Variants in MAP3K20 observed in about 807,000 individuals in gnomAD.
The protein encoded by MAP3K20 is HCCS-4.
MAP3K20 carries 40 observed loss-of-function variants against 85.7 expected under a neutral mutation model. The ratio of observed to expected loss-of-function variants is 0.47; its 90% confidence interval spans 0.36 to 0.61. MAP3K20 has a LOEUF of 0.61. Ranked by LOEUF, MAP3K20 falls within the 20% of genes least tolerant of loss-of-function variation. MAP3K20 has a pLI of 0.00. For synonymous variants in MAP3K20, 325 were observed against 327.7 expected (o/e 0.99, Z 0.09); for missense variants, 817 against 961.7 (o/e 0.85, Z 1.99).
chr2:173,265,387 T>G (rs1355968608), intron 19 of MAP3K20, among the ~76,000 whole-genome samples: 2 of 152,258 alleles, frequency 1.3e-5, no homozygotes, highest in Non-Finnish European at 2.9e-5. Flanking sequence ...CATTTTCTTT[T>G]ATCTTAACTT....
rs16861416 is a variant in MAP3K20, at chr2:173,236,788, A to G, written c.1204-1585A>G. Among the ~76,000 whole-genome samples the G allele has an allele frequency of 8.8e-3, 1,333 of 152,298 alleles. 46 individuals carry two copies. Among genetic ancestry groups the G allele is most frequent in the South Asian group, 0.065 (313 of 4,832 alleles). On this transcript the variant is annotated intron_variant, in intron 14 of 19. Coordinates refer to ENST00000375213, the MANE Select transcript of MAP3K20 (RefSeq NM_016653.3). ...GGCCCTGCATAGACTCTCAATTAAG[A>G]TAAGTAATGCTCCAAGCTGGGCCTT...
intron 2 of MAP3K20, among the ~76,000 whole-genome samples, chr2:173,143,965 A>G (rs1239853322): frequency 2.6e-5 from 4 of 152,112 alleles, no homozygotes; most frequent in African/African-American, 4.8e-5. Flanking sequence ...CAAAACCTCT[A>G]TGCTGGAAAC....
At chr2:173,227,570 A>G (rs1684422298) in intron 11 of MAP3K20, among the ~76,000 whole-genome samples, 1 of 152,212 alleles carries the variant, frequency 6.6e-6, no homozygotes, top group Non-Finnish European at 1.5e-5. Flanking sequence ...AGCTGAAGCC[A>G]GTGCCTTTCC....
At chr2:173,216,374 T>C (rs1183771638) in intron 10 of MAP3K20, among the ~76,000 whole-genome samples, 1 of 152,186 alleles carries the variant, frequency 6.6e-6, no homozygotes. Flanking sequence ...CCCAGGGTTT[T>C]CTACACTTGC....
intron 16 of MAP3K20, among the ~76,000 whole-genome samples, chr2:173,248,226 AG>A (rs1187854007): frequency 6.6e-6 from 1 of 152,164 alleles, no homozygotes; most frequent in Non-Finnish European, 1.5e-5. Context: ...GCTGCTTCTC[AG>A]TTTCGTCACA....
intron 1 of MAP3K20, among the ~76,000 whole-genome samples, chr2:173,082,740 C>G (rs1201022229): frequency 6.6e-6 from 1 of 152,250 alleles, no homozygotes; most frequent in Non-Finnish European, 1.5e-5. Context: ...GCCCCATTCT[C>G]TTCCTCATGC....
At position 173,080,667 on chromosome 2, in the gene MAP3K20, TG is replaced by T. The variant is rs1686988617; in HGVS notation, c.-35+4667del. ...AGTAATTAAGTTTCAACATGAATTT[TG>T]GTGGGAGCATTCCTACCATAGCACT... is the stretch of plus-strand genomic sequence containing the variant. On this transcript the variant is annotated intron_variant, in intron 1 of 19. Coordinates refer to ENST00000375213, the MANE Select transcript of MAP3K20 (RefSeq NM_016653.3). 2.0e-5 allele frequency among the ~76,000 whole-genome samples: 3 copies of T among 152,342 alleles called. No homozygotes were observed. In the South Asian group the frequency reaches 6.2e-4, roughly 32 times the overall value.
intron 16 of MAP3K20, among the ~76,000 whole-genome samples, chr2:173,240,382 C>T (rs1170798037): frequency 6.6e-6 from 1 of 152,196 alleles, no homozygotes; most frequent in African/African-American, 2.4e-5. Context: ...CTGGCCTTTC[C>T]TCAGTGAAAC....
chr2:173,191,365 G>A lies in MAP3K20; in HGVS notation c.582+188G>A, dbSNP rs1690644608. 2.6e-5 allele frequency among the ~76,000 whole-genome samples: 4 copies of A among 152,166 alleles called. No individual in the cohort carries two copies. In the South Asian group the frequency reaches 8.3e-4, roughly 31 times the overall value. Reference sequence around the variant, plus strand: ...TGTTTAATCATTTTTAATCATCGGAGTTATTTTGTCCTGTGTTGAGAAGAA... The same window carrying A: ...TGTTTAATCATTTTTAATCATCGGAATTATTTTGTCCTGTGTTGAGAAGAA... On this transcript the variant is annotated intron_variant, in intron 7 of 19. Coordinates refer to ENST00000375213, the MANE Select transcript of MAP3K20 (RefSeq NM_016653.3).
chr2:173,083,790 A>G (rs1184487332), intron 1 of MAP3K20, among the ~76,000 whole-genome samples: 1 of 152,224 alleles, frequency 6.6e-6, no homozygotes, highest in African/African-American at 2.4e-5. Context: ...CATAAATATC[A>G]AGGCAGCAAG....
At chr2:173,194,032 A>G (rs1350534997) in intron 7 of MAP3K20, among the ~76,000 whole-genome samples, 1 of 152,194 alleles carries the variant, frequency 6.6e-6, no homozygotes, top group Non-Finnish European at 1.5e-5. Context: ...TGGAATATCA[A>G]TTCTGCATTC....
chr2:173,075,789 G>A (rs1376310643), upstream of MAP3K20: 6 of 985,432 alleles, frequency 6.1e-6, no homozygotes, highest in Non-Finnish European at 7.2e-6. Flanking sequence ...GTGAGGGGAG[G>A]GCGGCCCAGC....
At chr2:173,172,040 G>A (rs999979216) in intron 3 of MAP3K20, among the ~76,000 whole-genome samples, 1 of 152,286 alleles carries the variant, frequency 6.6e-6, no homozygotes, top group Non-Finnish European at 1.5e-5. Flanking sequence ...AGCCTACCTT[G>A]TACAGCTATG....
At chr2:173,182,289 TGTG>T (rs1690355107) in intron 3 of MAP3K20, among the ~76,000 whole-genome samples, 1 of 152,194 alleles carries the variant, frequency 6.6e-6, no homozygotes. Flanking sequence ...AAGACTGGAT[TGTG>T]GTGGTGGTTG....
At chr2:173,230,767 A>C (rs1684505151) in intron 12 of MAP3K20, among the ~76,000 whole-genome samples, 1 of 152,150 alleles carries the variant, frequency 6.6e-6, no homozygotes, top group African/African-American at 2.4e-5. Context: ...AGGCTGAGGC[A>C]GGAGGATCAC....
chr2:173,178,739 A>G (rs1228110265), intron 3 of MAP3K20, among the ~76,000 whole-genome samples: 2 of 152,256 alleles, frequency 1.3e-5, no homozygotes, highest in African/African-American at 4.8e-5. Flanking sequence ...AAATGTTTAT[A>G]GAAGAGATAA....
At position 173,259,868 on chromosome 2, in the gene MAP3K20, T is replaced by G. The variant is rs897640344; in HGVS notation, c.1476+1053T>G. Among the ~76,000 whole-genome samples the G allele has an allele frequency of 6.6e-5, 10 of 152,236 alleles. No homozygotes were observed. The East Asian group carries it at 7.7e-4, about 12-fold the overall frequency. ...TTGAAGACTGGAAAGATATTTCCTT[T>G]CTTCCCCACCCATACCACGGAGTTG... On this transcript the variant is annotated intron_variant, in intron 17 of 19. Transcript: ENST00000375213.
intron 11 of MAP3K20, chr2:173,223,355 C>A: frequency 1.1e-6 from 1 of 870,408 alleles, no homozygotes; most frequent in Non-Finnish European, 1.4e-6. Flanking sequence ...ACAGTACCTA[C>A]TTGAAAGGAT....
intron 1 of MAP3K20, among the ~76,000 whole-genome samples, chr2:173,081,321 C>T (rs1018991576): frequency 6.6e-6 from 1 of 151,938 alleles, no homozygotes; most frequent in Non-Finnish European, 1.5e-5. Flanking sequence ...GCTACCTTGC[C>T]TGGCTTATTC....
Sources: allele counts gnomAD v4.1 joint callset (sites outside exome capture counted in the v4.1 genomes callset), GRCh38; gene constraint gnomAD v4.1.1; transcripts MANE v1.5; gene names NCBI Gene and HGNC (gene_info 2026-07-23, HGNC 2026-07-21).